The following TRPC4 variants were observed in gnomAD, a reference collection of about 807,000 sequenced individuals.
The protein encoded by TRPC4 is transient receptor potential cation channel subfamily C member 4, also known as short transient receptor potential channel 4.
A neutral mutation model predicts 99.4 loss-of-function variants in TRPC4; 49 were observed. The ratio of observed to expected loss-of-function variants is 0.49; its 90% CI spans 0.39 to 0.63. TRPC4 has a LOEUF of 0.63. Among genes scored for constraint, TRPC4 ranks in the 20% least tolerant of loss-of-function variants. TRPC4 has a pLI of 0.00. For synonymous variants in TRPC4, 454 were observed against 425.9 expected (o/e 1.07, Z -0.81); for missense variants, 898 against 1,152.9 (o/e 0.78, Z 3.20).
chr13:37,645,838 T>C (rs1951847595), intron 8 of TRPC4, among the ~76,000 whole-genome samples: 1 of 152,228 alleles, frequency 6.6e-6, no homozygotes, highest in Non-Finnish European at 1.5e-5. Context: ...ATTCAGGAAC[T>C]CACTCTTGAA....
intron 2 of TRPC4, among the ~76,000 whole-genome samples, chr13:37,746,846 C>T (rs11147667): frequency 0.35 from 53,117 of 151,914 alleles, 11,130 homozygotes; most frequent in Non-Finnish European, 0.48. Flanking sequence ...TCAAAAACAG[C>T]TAATGATTTG....
intron 8 of TRPC4, among the ~76,000 whole-genome samples, chr13:37,647,839 T>G (rs768873115): frequency 3.3e-5 from 5 of 152,232 alleles, no homozygotes; most frequent in Non-Finnish European, 7.3e-5. Flanking sequence ...CAAGTTGAAA[T>G]AAATTCACAG....
intron 1 of TRPC4, among the ~76,000 whole-genome samples, chr13:37,812,659 T>C (rs1045747587): frequency 6.6e-6 from 1 of 152,050 alleles, no homozygotes; most frequent in African/African-American, 2.4e-5. Flanking sequence ...AATATATATT[T>C]AATTAGTGCC....
rs1486330421 is a variant in TRPC4, at chr13:37,746,002, TGAGACTATTGTCATCTCGGTAATTAA to T, written c.806_831del (p.Leu269HisfsTer8). The T allele has an allele frequency of 6.2e-7, 1 of 1,613,910 alleles. No individual in the cohort carries two copies. Among genetic ancestry groups the T allele is most frequent in the Admixed American group, 1.7e-5 (1 of 60,004 alleles). On this transcript the variant is annotated frameshift_variant, in exon 3 of 11. Transcript: ENST00000379705. LOFTEE classifies it high-confidence loss of function. ...AGATCATTTCCACTTTGTTCTTCTA[TGAGACTATTGTCATCTCGGTAATTAA>T]GAATGATTTCCAGTTCTCTGGAACT...
chr13:37,662,117 C>G (rs1482898559), intron 6 of TRPC4, among the ~76,000 whole-genome samples: 2 of 152,026 alleles, frequency 1.3e-5, no homozygotes, highest in East Asian at 3.9e-4. Flanking sequence ...AAGACTCAGC[C>G]TGGCCAACAT....
chr13:37,662,203 G>C (rs9548006), intron 6 of TRPC4, among the ~76,000 whole-genome samples: 1 of 151,934 alleles, frequency 6.6e-6, no homozygotes, highest in African/African-American at 2.4e-5. Context: ...CCAGCTACTC[G>C]GGAGGCTGAA....
chr13:37,777,580 G>A (rs986707528), intron 2 of TRPC4, among the ~76,000 whole-genome samples: 2 of 148,642 alleles, frequency 1.3e-5, no homozygotes, highest in Admixed American at 1.4e-4. Context: ...ATCAACAATG[G>A]TGGCATTTTT....
chr13:37,723,520 G>T (rs2139045423), intron 3 of TRPC4, among the ~76,000 whole-genome samples: 1 of 152,218 alleles, frequency 6.6e-6, no homozygotes, highest in South Asian at 2.1e-4. Flanking sequence ...TGATACTATT[G>T]ATACCCACTG....
At chr13:37,764,885 A>T (rs1956320191) in intron 2 of TRPC4, among the ~76,000 whole-genome samples, 1 of 150,082 alleles carries the variant, frequency 6.7e-6, no homozygotes, top group Admixed American at 6.7e-5. Context: ...CAGTGAAATA[A>T]ATTACTATAT....
At chr13:37,782,828 G>A in intron 2 of TRPC4, 128 bp downstream of exon 2, 1 of 945,786 alleles carries the variant, frequency 1.1e-6, no homozygotes, top group Non-Finnish European at 1.5e-6. Flanking sequence ...ATATAGTTCA[G>A]ATTTTGAAGC....
intron 2 of TRPC4, among the ~76,000 whole-genome samples, chr13:37,777,847 A>G (rs1319445150): frequency 2.0e-5 from 3 of 152,118 alleles, no homozygotes; most frequent in African/African-American, 7.2e-5. Flanking sequence ...ACCAAGGCTC[A>G]GAGAGATTCA....
At chr13:37,827,019 C>T (rs1234136235) in intron 1 of TRPC4, among the ~76,000 whole-genome samples, 2 of 151,936 alleles carry the variant, frequency 1.3e-5, no homozygotes, top group African/African-American at 4.8e-5. Flanking sequence ...TCATTTCATT[C>T]GTTTCATCTT....
chr13:37,770,147 C>T (rs530268453), intron 2 of TRPC4, among the ~76,000 whole-genome samples: 5 of 151,304 alleles, frequency 3.3e-5, no homozygotes, highest in Non-Finnish European at 7.4e-5. Flanking sequence ...ATGATTGAGG[C>T]TAAAGTGATA....
intron 1 of TRPC4, among the ~76,000 whole-genome samples, chr13:37,829,777 A>G (rs1958360410): frequency 6.6e-6 from 1 of 152,082 alleles, no homozygotes; most frequent in Non-Finnish European, 1.5e-5. Context: ...AAAATCAAAT[A>G]TATATATATA....
rs988080557 is a variant in TRPC4, at chr13:37,758,873, C to T, written c.379-12418G>A. 4.6e-5 allele frequency among the ~76,000 whole-genome samples: 7 copies of T among 151,058 alleles called. No homozygotes were observed. The South Asian group carries it at 8.4e-4, about 18-fold the overall frequency. ...AATCAGAAATATAGAAAAATTATTC[C>T]GTTAGTGGAAAAGAAGACTTCATAT... On this transcript the variant is annotated intron_variant, in intron 2 of 10. Transcript: ENST00000379705.
intron 1 of TRPC4, among the ~76,000 whole-genome samples, chr13:37,837,453 C>T (rs1958597697): frequency 1.3e-5 from 2 of 152,238 alleles, no homozygotes; most frequent in African/African-American, 2.4e-5. Flanking sequence ...CCACCTCTTA[C>T]CTCAGCATGA....
intron 3 of TRPC4, among the ~76,000 whole-genome samples, chr13:37,711,993 A>G (rs1954501240): frequency 6.6e-6 from 1 of 151,766 alleles, no homozygotes; most frequent in African/African-American, 2.4e-5. Context: ...AGCCTTTGAA[A>G]TCTCGTGTGC....
chr13:37,637,226 C>T lies in TRPC4; in HGVS notation c.2611G>A (p.Val871Ile), dbSNP rs531504926. 1.2e-6 allele frequency: 2 copies of T among 1,613,860 alleles called. No individual in the cohort carries two copies. Among genetic ancestry groups the T allele is most frequent in the South Asian group, 2.2e-5 (2 of 91,084 alleles). Residue 871 changes from valine (V) to isoleucine (I), a missense_variant, in exon 11 of 11, where the codon GTT becomes ATT. Val to Ile is a conservative substitution (Grantham distance 29, BLOSUM62 3). Coordinates refer to ENST00000379705, the MANE Select transcript of TRPC4 (RefSeq NM_016179.4). ...ANQIFSVSEE[V>I]ARQQAAGPLE... is the part of the protein sequence containing the mutation. ...GGTCCTGCAGCCTGTTGACGAGCAA[C>T]TTCTTCTGAAACAGAGAAGATTTGG...
At chr13:37,760,011 G>C (rs900373794) in intron 2 of TRPC4, among the ~76,000 whole-genome samples, 2 of 151,982 alleles carry the variant, frequency 1.3e-5, no homozygotes, top group Non-Finnish European at 2.9e-5. Flanking sequence ...TAGCAGTAAT[G>C]TTGTATGTAT....
Sources: allele counts gnomAD v4.1 joint callset (sites outside exome capture counted in the v4.1 genomes callset), GRCh38; gene constraint gnomAD v4.1.1; transcripts MANE v1.5; gene names NCBI Gene and HGNC (gene_info 2026-07-23, HGNC 2026-07-21).